The following UBR2 variants were observed in gnomAD, a reference collection of about 807,000 sequenced individuals.
UBR2 encodes ubiquitin protein ligase E3 component n-recognin 2.
Under a neutral mutation model 247.9 loss-of-function variants are expected in UBR2, and 92 were observed. The observed-to-expected ratio is 0.37, with a 90% confidence interval of 0.31 to 0.44. The LOEUF is 0.44. Ranked by LOEUF, UBR2 falls within the 20% of genes least tolerant of loss-of-function variation. The pLI, the probability that UBR2 is intolerant of heterozygous loss-of-function variation, is 1.00. For missense variants in UBR2, 1,613 were observed against 2,112.6 expected, an observed-to-expected ratio of 0.76 and a Z score of 4.64; for synonymous variants, 672 against 693.5, an observed-to-expected ratio of 0.97 and a Z score of 0.49.
intron 5 of UBR2, among the ~76,000 whole-genome samples, chr6:42,603,987 G>A (rs1027276392): frequency 6.6e-6 from 1 of 152,004 alleles, no homozygotes; most frequent in African/African-American, 2.4e-5. Context: ...TCTCTTCTTT[G>A]ATTGTATGAT....
intron 1 of UBR2, among the ~76,000 whole-genome samples, chr6:42,564,986 G>T (rs1345461494): frequency 1.3e-5 from 2 of 152,144 alleles, no homozygotes. Flanking sequence ...TGTGTGGAAA[G>T]TTTACTGAGT....
intron 14 of UBR2, 56 bp from the exon 15 acceptor site, chr6:42,636,955 C>A: frequency 1.3e-6 from 2 of 1,556,550 alleles, no homozygotes; most frequent in South Asian, 2.4e-5. Context: ...GGTGCTTATT[C>A]AATGTTGTAA....
chr6:42,616,124 A>G (rs1199466994), intron 10 of UBR2, 34 bp downstream of exon 10: 1 of 1,474,780 alleles, frequency 6.8e-7, no homozygotes, highest in Non-Finnish European at 9.3e-7. Context: ...AATAGGTTAT[A>G]TATAGAGTAA....
chr6:42,657,378 C>T (rs953235442), intron 26 of UBR2, among the ~76,000 whole-genome samples: 1 of 152,184 alleles, frequency 6.6e-6, no homozygotes, highest in Non-Finnish European at 1.5e-5. Context: ...AAAGAAACCT[C>T]TCCCTTATCT....
At chr6:42,612,366 A>G in intron 8 of UBR2, 75 bp downstream of exon 8, 1 of 1,350,314 alleles carries the variant, frequency 7.4e-7, no homozygotes, top group South Asian at 2.1e-5. Flanking sequence ...TGTTTTGGGA[A>G]AACTATCAAC....
intron 44 of UBR2, among the ~76,000 whole-genome samples, chr6:42,687,008 C>T (rs1039003239): frequency 6.6e-6 from 1 of 151,902 alleles, no homozygotes; most frequent in Non-Finnish European, 1.5e-5. Flanking sequence ...GACGGGATGA[C>T]GGCCAGGAAG....
At chr6:42,666,301 G>A (rs1174353353) in intron 34 of UBR2, 56 bp downstream of exon 34, 5 of 1,450,912 alleles carry the variant, frequency 3.4e-6, no homozygotes, top group Non-Finnish European at 4.8e-6. Context: ...GAATGATTAA[G>A]TCAGCAGTTA....
Position 42,650,307 on chromosome 6 carries a change from G to T in UBR2, c.2486G>T (p.Gly829Val). The change falls in exon 23 of 47, where the codon GGC becomes GTC. Residue 829 changes from glycine to valine, a missense_variant. This residue lies in a region of UBR2 where 1,524 missense variants were observed against 1,967.3 expected (regional missense o/e 0.77). Transcript: ENST00000372901. ...AGGAAACCTGGATTAACAGGACGAG[G>T]CATGTATGAACTGAAACCAGAATGT... Reference protein sequence around the residue: ...HFKKPGLTGRGMYELKPECAK... With the variant: ...HFKKPGLTGRVMYELKPECAK... The T allele has an allele frequency of 1.9e-6, 3 of 1,614,000 alleles. No homozygotes were observed. Among genetic ancestry groups the T allele is most frequent in the Non-Finnish European group, 2.5e-6 (3 of 1,179,910 alleles).
At chr6:42,662,850 G>A (rs1326300367) in intron 31 of UBR2, among the ~76,000 whole-genome samples, 1 of 152,030 alleles carries the variant, frequency 6.6e-6, no homozygotes, top group Non-Finnish European at 1.5e-5. Flanking sequence ...CAGGAGAATT[G>A]CTTGAATGTG....
In UBR2 at chr6:42,641,579, T is replaced by C; in HGVS notation, c.1921-3T>C. ...TCTGTTTTTTTATTTTTTGTATATA[T>C]AGAGTGAACTTAGCCCACCCATGTT... On this transcript the variant is annotated splice_polypyrimidine_tract_variant and splice_region_variant and intron_variant, in intron 16 of 46. Coordinates refer to ENST00000372901, the MANE Select transcript of UBR2 (RefSeq NM_001363705.2). 1 of 1,588,428 alleles carries C rather than the reference T, an allele frequency of 6.3e-7. No individual in the cohort carries two copies. The highest frequency in any genetic ancestry group is 8.5e-7 in the Non-Finnish European group (1 of 1,171,496).
At chr6:42,604,954 G>A (rs2151928608) in intron 5 of UBR2, among the ~76,000 whole-genome samples, 1 of 152,082 alleles carries the variant, frequency 6.6e-6, no homozygotes, top group African/African-American at 2.4e-5. Context: ...TTGAACCTGG[G>A]TGGTTGAGGC....
intron 28 of UBR2, 79 bp downstream of exon 28, chr6:42,658,399 A>T: frequency 7.5e-7 from 1 of 1,326,930 alleles, no homozygotes; most frequent in South Asian, 1.4e-5. Flanking sequence ...ATCTACATTA[A>T]GTTGCCAGTT....
At chr6:42,574,543 T>G (rs2151903713) in intron 2 of UBR2, among the ~76,000 whole-genome samples, 1 of 152,296 alleles carries the variant, frequency 6.6e-6, no homozygotes, top group East Asian at 1.9e-4. Flanking sequence ...TTACTGCTGT[T>G]AGGAAGACTT....
intron 2 of UBR2, among the ~76,000 whole-genome samples, chr6:42,575,753 C>G (rs1791463812): frequency 6.6e-6 from 1 of 152,194 alleles, no homozygotes. Flanking sequence ...ATATTGATCA[C>G]TTGATTAAAG....
At chr6:42,603,546 GC>G in intron 4 of UBR2, 41 bp from the exon 5 acceptor site, 2 of 1,491,636 alleles carry the variant, frequency 1.3e-6, no homozygotes, top group Non-Finnish European at 1.8e-6. Flanking sequence ...GTACATGATT[GC>G]CCTTTTTTTC....
intron 3 of UBR2, among the ~76,000 whole-genome samples, chr6:42,593,611 A>G (rs1328523133): frequency 6.6e-6 from 1 of 152,210 alleles, no homozygotes; most frequent in South Asian, 2.1e-4. Context: ...GGAATTATGA[A>G]TAATTCCTGA....
chr6:42,633,068 A>G (rs1795858326), intron 13 of UBR2, among the ~76,000 whole-genome samples, 164 bp downstream of exon 13: 1 of 146,020 alleles, frequency 6.8e-6, no homozygotes, highest in African/African-American at 2.6e-5. Flanking sequence ...ATAGTGTACT[A>G]TACCTTTGAA....
chr6:42,582,392 G>C (rs766785352), intron 2 of UBR2, among the ~76,000 whole-genome samples: 18 of 150,920 alleles, frequency 1.2e-4, no homozygotes, highest in Non-Finnish European at 2.5e-4. Flanking sequence ...ACTCTTACTT[G>C]ATACATTGGT....
intron 10 of UBR2, among the ~76,000 whole-genome samples, chr6:42,616,894 G>T (rs1209983195): frequency 6.6e-6 from 1 of 152,156 alleles, no homozygotes; most frequent in Admixed American, 6.5e-5. Flanking sequence ...ATTCTGATAT[G>T]ATGCAGAAGT....
Sources: allele counts gnomAD v4.1 joint callset (sites outside exome capture counted in the v4.1 genomes callset), GRCh38; gene constraint gnomAD v4.1.1; regional missense constraint gnomAD v4.1.1; transcripts MANE v1.5; gene names NCBI Gene and HGNC (gene_info 2026-07-23, HGNC 2026-07-21).